DENND1B: variants seen among roughly 807,000 people sequenced by gnomAD.
The protein encoded by DENND1B is DENN domain-containing protein 1B.
A neutral mutation model predicts 90.1 loss-of-function variants in DENND1B; 59 were observed. That is an observed-to-expected ratio of 0.65 (90% confidence interval 0.53 to 0.81). The LOEUF is 0.81. DENND1B is among the 40% of genes least tolerant of loss of function. DENND1B has a pLI of 0.00. For missense variants in DENND1B, 862 were observed against 912.6 expected (o/e 0.94, Z 0.71); for synonymous variants, 337 against 324.6 (o/e 1.04, Z -0.41).
intron 2 of DENND1B, among the ~76,000 whole-genome samples, chr1:197,720,408 T>C (rs1571493013): frequency 6.6e-6 from 1 of 152,004 alleles, no homozygotes; most frequent in Admixed American, 6.6e-5. Context: ...CAACTAATTT[T>C]TTTTTTCTTT....
intron 15 of DENND1B, among the ~76,000 whole-genome samples, chr1:197,569,243 T>C (rs1223014342): frequency 2.0e-5 from 3 of 152,086 alleles, no homozygotes; most frequent in African/African-American, 7.2e-5. Flanking sequence ...TCATACCTGT[T>C]AGGATTTTTA....
chr1:197,740,665 G>T (rs2102362837), intron 2 of DENND1B, among the ~76,000 whole-genome samples: 1 of 152,252 alleles, frequency 6.6e-6, no homozygotes, highest in East Asian at 1.9e-4. Context: ...GGGGCTTTTG[G>T]ATAGTCTATA....
rs1468893525 is a variant in DENND1B, at chr1:197,726,442, G to A, written c.83-11368C>T. On this transcript the variant is annotated intron_variant, in intron 2 of 22. Coordinates refer to ENST00000620048, the MANE Select transcript of DENND1B (RefSeq NM_001195215.2). ...AACATCATTATGAATGGCAGTCCAG[G>A]AGCCAAGTGCAGCAATAATGAAATA... Among the ~76,000 whole-genome samples the A allele has an allele frequency of 2.0e-5, 3 of 152,138 alleles. No individual in the cohort carries two copies. The East Asian group carries it at 5.8e-4, about 29-fold the overall frequency.
intron 20 of DENND1B, among the ~76,000 whole-genome samples, chr1:197,524,156 C>A (rs1033066925): frequency 3.3e-5 from 5 of 152,106 alleles, no homozygotes; most frequent in African/African-American, 1.2e-4. Context: ...CAAAACAGAG[C>A]ATCCAAGAAC....
intron 2 of DENND1B, among the ~76,000 whole-genome samples, chr1:197,756,331 C>G (rs1654280687): frequency 6.6e-6 from 1 of 151,956 alleles, no homozygotes; most frequent in Non-Finnish European, 1.5e-5. Context: ...TCCCAGCAGT[C>G]TGGGAGGAGG....
intron 3 of DENND1B, among the ~76,000 whole-genome samples, chr1:197,680,733 C>T (rs1392861669): frequency 6.6e-6 from 1 of 152,104 alleles, no homozygotes; most frequent in Non-Finnish European, 1.5e-5. Context: ...AGCACACACA[C>T]ATTAGGCAGC....
intron 3 of DENND1B, among the ~76,000 whole-genome samples, chr1:197,677,381 T>C (rs192980222): frequency 2.6e-5 from 4 of 152,266 alleles, no homozygotes; most frequent in African/African-American, 9.6e-5. Flanking sequence ...ACACCTCTAA[T>C]GAAGAATGTA....
chr1:197,613,261 TA>T (rs1389149754), intron 11 of DENND1B, among the ~76,000 whole-genome samples: 1 of 150,802 alleles, frequency 6.6e-6, no homozygotes, highest in Non-Finnish European at 1.5e-5. Flanking sequence ...CAAATTTATT[TA>T]AAGATGGCTA....
At position 197,775,182 on chromosome 1, in the gene DENND1B, G is replaced by C; in HGVS notation, c.-27C>G. The C allele has an allele frequency of 7.9e-7, 1 of 1,272,714 alleles. No individual in the cohort carries two copies. The highest frequency in any genetic ancestry group is 1.0e-6 in the Non-Finnish European group (1 of 1,004,018). The allele number at this position is 1,272,714 out of a possible 1,614,324, so 78.8% of individuals were successfully genotyped here. A position where few individuals can be genotyped will look rare whatever the true frequency, so the allele number is the denominator to read the frequency against. ...GTTACATGTCGGTGTGGGGCTGTCC[G>C]TCCGGCCCCCGCGCGCTGGCCTGGA... On this transcript the variant is annotated 5_prime_UTR_variant, in exon 1 of 23. Transcript: ENST00000620048.
chr1:197,771,866 T>C (rs1656660677), intron 2 of DENND1B, among the ~76,000 whole-genome samples: 1 of 152,038 alleles, frequency 6.6e-6, no homozygotes, highest in African/African-American at 2.4e-5. Context: ...TAAAAGAAAA[T>C]AGGCAAGAAA....
At chr1:197,634,745 T>C (rs1031681254) in intron 10 of DENND1B, among the ~76,000 whole-genome samples, 23 of 152,278 alleles carry the variant, frequency 1.5e-4, no homozygotes, top group African/African-American at 5.5e-4. Context: ...CCCAGCAACT[T>C]TGGGAGGCCG....
At chr1:197,536,109 G>A (rs559330530) in intron 20 of DENND1B, among the ~76,000 whole-genome samples, 11 of 141,682 alleles carry the variant, frequency 7.8e-5, no homozygotes, top group East Asian at 6.2e-4. Context: ...GGAGAGAGAC[G>A]GAGGGAGGGA....
At chr1:197,531,239 CTAGGGCA>C (rs1207184693) in intron 20 of DENND1B, among the ~76,000 whole-genome samples, 3 of 152,136 alleles carry the variant, frequency 2.0e-5, no homozygotes, top group African/African-American at 7.2e-5. Flanking sequence ...TGAGGCTGCT[CTAGGGCA>C]TTTTTCTACT....
intron 2 of DENND1B, among the ~76,000 whole-genome samples, chr1:197,754,080 A>C (rs1011487045): frequency 6.6e-6 from 1 of 151,822 alleles, no homozygotes; most frequent in African/African-American, 2.4e-5. Context: ...ACTAAAAAAA[A>C]CCTGTAAATT....
At chr1:197,679,291 C>CAA (rs765731401) in intron 3 of DENND1B, among the ~76,000 whole-genome samples, 2 of 129,454 alleles carry the variant, frequency 1.5e-5, no homozygotes, top group Non-Finnish European at 1.7e-5. Context: ...GTGACATTAC[C>CAA]AAAAAAAAAA....
intron 5 of DENND1B, among the ~76,000 whole-genome samples, chr1:197,659,609 T>A (rs1358868519): frequency 1.3e-5 from 2 of 151,950 alleles, no homozygotes. Context: ...TATTAATGAA[T>A]ACAAGCAAAA....
At chr1:197,539,771 G>A (rs4915551) in intron 20 of DENND1B, among the ~76,000 whole-genome samples, 193 bp downstream of exon 20, 98,407 of 152,070 alleles carry the variant, frequency 0.65, 35,642 homozygotes, top group East Asian at 0.86. Flanking sequence ...AGCATGTAGA[G>A]ACCGATATCT....
At chr1:197,536,712 C>T (rs905694527) in intron 20 of DENND1B, among the ~76,000 whole-genome samples, 3 of 151,958 alleles carry the variant, frequency 2.0e-5, no homozygotes, top group Non-Finnish European at 2.9e-5. Context: ...TATTAGTAGG[C>T]AGGATATGAA....
In DENND1B at chr1:197,606,917, A is replaced by T. The variant is rs1239971346; in HGVS notation, c.921+156T>A. The T allele has an allele frequency of 5.0e-6, 3 of 598,558 alleles. No homozygotes were observed. In the African/African-American group the frequency reaches 5.8e-5, roughly 12 times the overall value. 37.1% of individuals were successfully genotyped at this position (598,558 alleles called of 1,614,324 possible). A position where few individuals can be genotyped will look rare whatever the true frequency, so the allele number is the denominator to read the frequency against. Reference sequence around the variant, plus strand: ...CAAAATCTCAACTGCTAAAAGGTAAAAATATTAAATATAGAATCAACATTG... The same window carrying T: ...CAAAATCTCAACTGCTAAAAGGTAATAATATTAAATATAGAATCAACATTG... On this transcript the variant is annotated intron_variant, in intron 13 of 22. Transcript: ENST00000620048.
Sources: gnomAD v4.1 joint callset for allele counts (sites outside exome capture counted in the v4.1 genomes callset) on GRCh38, gnomAD v4.1.1 for gene constraint, MANE v1.5 for transcripts, NCBI Gene and HGNC (gene_info 2026-07-23, HGNC 2026-07-21) for gene names.